ANXA5: variants seen among roughly 807,000 people sequenced by gnomAD.
ANXA5 encodes annexin A5.
ANXA5 carries 40 observed loss-of-function variants against 48.1 expected under a neutral mutation model. That is an observed-to-expected ratio of 0.83 (90% CI 0.65 to 1.08). The LOEUF (loss-of-function observed/expected upper bound fraction) is 1.08. ANXA5 is among the 50% of genes least tolerant of loss of function. ANXA5 has a pLI of 0.00. For missense variants in ANXA5, 357 were observed against 376.8 expected, an observed-to-expected ratio of 0.95 and a Z score of 0.44; for synonymous variants, 113 against 129.1, an observed-to-expected ratio of 0.88 and a Z score of 0.85.
At chr4:121,680,660 C>G (rs956722960) in intron 6 of ANXA5, among the ~76,000 whole-genome samples, 5 of 152,124 alleles carry the variant, frequency 3.3e-5, no homozygotes, top group Admixed American at 6.6e-5. Context: ...GTTATTACCC[C>G]CTTTGAGCAC....
At chr4:121,689,038 G>A (rs1468118975) in intron 2 of ANXA5, among the ~76,000 whole-genome samples, 1 of 152,116 alleles carries the variant, frequency 6.6e-6, no homozygotes, top group Non-Finnish European at 1.5e-5. Flanking sequence ...CCATTCATTC[G>A]ATACCTTAAT....
chr4:121,668,623 T>A (rs1233224887), intron 12 of ANXA5, 96 bp from the exon 13 acceptor site: 1 of 1,021,982 alleles, frequency 9.8e-7, no homozygotes, highest in East Asian at 2.4e-5. Flanking sequence ...TTCATAAGAC[T>A]CTTCTCCCAA....
rs1724585637 is a variant in ANXA5 at position 121,669,949 on chromosome 4, C to T, written c.780+5G>A. On this transcript the variant is annotated splice_donor_5th_base_variant and intron_variant, in intron 11 of 12. Transcript: ENST00000296511. ...TTAGATAGAAGGTTCATGGTCTCCACTTACCTTCATAGCATAATAGAGGGT... is the reference window on the plus strand; with the variant it reads ...TTAGATAGAAGGTTCATGGTCTCCATTTACCTTCATAGCATAATAGAGGGT... 1.3e-6 allele frequency: 2 copies of T among 1,587,198 alleles called. No individual in the cohort carries two copies. The highest frequency in any genetic ancestry group is 1.7e-4 in the Middle Eastern group (1 of 6,016).
chr4:121,669,728 T>TAAAAAAAAA lies in ANXA5; in HGVS notation c.781-13_781-5dup. The TAAAAAAAAA allele has an allele frequency of 6.7e-7, 1 of 1,502,924 alleles. No individual in the cohort carries two copies. The highest frequency in any genetic ancestry group is 1.5e-5 in the African/African-American group (1 of 66,902). 93.1% of individuals were successfully genotyped at this position (1,502,924 alleles called of 1,614,324 possible). A position where few individuals can be genotyped will look rare whatever the true frequency, so the allele number is the denominator to read the frequency against. Reference sequence around the variant, plus strand: ...TATGATCATCTGTCCCAGCTCCCTTTAAAAAAAAAAAAAAAGAGAGAAGCA... The same window carrying TAAAAAAAAA: ...TATGATCATCTGTCCCAGCTCCCTTTAAAAAAAAAAAAAAAAAAAAAAAAGAGAGAAGCA... On this transcript the variant is annotated splice_region_variant and splice_polypyrimidine_tract_variant and intron_variant, in intron 11 of 12. Coordinates refer to ENST00000296511, the MANE Select transcript of ANXA5 (RefSeq NM_001154.4).
At chr4:121,691,939 CCAAGAAGACTGAGGAGTA>C (rs1202616507) in intron 2 of ANXA5, among the ~76,000 whole-genome samples, 1 of 152,150 alleles carries the variant, frequency 6.6e-6, no homozygotes, top group Non-Finnish European at 1.5e-5. Context: ...ATTAGGACCT[CCAAGAAGACTGAGGAGTA>C]CAAACACATC....
intron 10 of ANXA5, 42 bp downstream of exon 10, chr4:121,671,505 G>C (rs1724611815): frequency 7.0e-7 from 1 of 1,430,720 alleles, no homozygotes; most frequent in Admixed American, 1.7e-5. Context: ...AAATGCTTTA[G>C]CTCTTACCAC....
At chr4:121,684,526 T>C in intron 4 of ANXA5, 151 bp downstream of exon 4, 1 of 635,936 alleles carries the variant, frequency 1.6e-6, no homozygotes, top group Non-Finnish European at 2.7e-6. Flanking sequence ...TAAGAGCTGA[T>C]AATTTAGAGG....
intron 6 of ANXA5, among the ~76,000 whole-genome samples, chr4:121,679,063 GA>G (rs1724747779): frequency 6.6e-6 from 1 of 152,138 alleles, no homozygotes; most frequent in Non-Finnish European, 1.5e-5. Context: ...GGATCTACAA[GA>G]GTCTACAAGT....
At chr4:121,689,367 C>T (rs1309541393) in intron 2 of ANXA5, among the ~76,000 whole-genome samples, 2 of 152,142 alleles carry the variant, frequency 1.3e-5, no homozygotes, top group African/African-American at 4.8e-5. Flanking sequence ...ATACTAACTA[C>T]TAGTTAAAAG....
intron 5 of ANXA5, among the ~76,000 whole-genome samples, chr4:121,682,106 A>AT: frequency 6.6e-6 from 1 of 152,270 alleles, no homozygotes; most frequent in Non-Finnish European, 1.5e-5. Context: ...ACATGAAGTA[A>AT]TTTTTTAAAA....
chr4:121,683,302 T>C, intron 5 of ANXA5, 62 bp downstream of exon 5: 1 of 964,042 alleles, frequency 1.0e-6, no homozygotes, highest in Non-Finnish European at 1.5e-6. Context: ...TAAGAGGAAG[T>C]AATTACCAAA....
rs1245082243 is a variant in ANXA5 at position 121,670,007 on chromosome 4, AT to A, written c.726del (p.Lys242AsnfsTer18). The A allele has an allele frequency of 1.6e-5, 25 of 1,598,400 alleles. No homozygotes were observed. The highest frequency in any genetic ancestry group is 2.1e-5 in the Non-Finnish European group (25 of 1,171,632). Reference protein sequence around the residue: ...NLEQLLLAVVKSIRSIPAYLA... With the variant: ...NLEQLLLAVVXSIRSIPAYLA... The stretch of plus-strand genomic sequence containing the variant: ...AGGTAGGCAGGTATACTTCGAATAG[AT>A]TTCACTAAGAAAATAAACAATACAA... On this transcript the variant is annotated frameshift_variant, in exon 11 of 13. Transcript: ENST00000296511. LOFTEE classifies it high-confidence loss of function.
intron 6 of ANXA5, 50 bp downstream of exon 6, chr4:121,681,620 GA>G (rs764661781): frequency 8.0e-7 from 1 of 1,254,856 alleles, no homozygotes; most frequent in East Asian, 2.3e-5. Flanking sequence ...TCACAGAAAT[GA>G]AGGAAGTGAT....
chr4:121,668,523 T>A lies in ANXA5; in HGVS notation c.908A>T (p.Asp303Val). The A allele has an allele frequency of 6.2e-7, 1 of 1,613,176 alleles. No individual in the cohort carries two copies. Among genetic ancestry groups the A allele is most frequent in the Non-Finnish European group, 8.5e-7 (1 of 1,179,410 alleles). Residue 303 changes from aspartate (D) to valine (V), a missense_variant, in exon 13 of 13, where the codon GAT becomes GTT. Coordinates refer to ENST00000296511, the MANE Select transcript of ANXA5 (RefSeq NM_001154.4). The stretch of plus-strand genomic sequence containing the variant: ...AGCTTTCTTATAGTCCCCAGATGTA[T>A]CTCCCTGAAACCAAATGTATTCCAT... ...ATSLYSMIKG[D>V]TSGDYKKALL...
intron 8 of ANXA5, among the ~76,000 whole-genome samples, chr4:121,676,774 T>G (rs1724705732): frequency 4.8e-5 from 7 of 146,636 alleles, no homozygotes; most frequent in South Asian, 4.4e-4. Context: ...TGAAGCGGGG[T>G]GGGAGGGGCA....
At chr4:121,685,037 T>TAC (rs1235385271) in intron 3 of ANXA5, among the ~76,000 whole-genome samples, 1 of 124,080 alleles carries the variant, frequency 8.1e-6, no homozygotes, top group Admixed American at 8.2e-5. Context: ...AAAATATGTA[T>TAC]ATATATATAT....
chr4:121,678,274 C>T (rs1724730472), intron 7 of ANXA5, 141 bp downstream of exon 7: 1 of 693,764 alleles, frequency 1.4e-6, no homozygotes, highest in South Asian at 1.9e-5. Flanking sequence ...GCACAGGCAA[C>T]ATACAGTCAG....
rs1724581555 is a variant in ANXA5 at position 121,669,743 on chromosome 4, A to AT, written c.781-20_781-19insA. 6.4e-7 allele frequency: 1 copy of AT among 1,572,768 alleles called. No homozygotes were observed. The highest frequency in any genetic ancestry group is 8.6e-7 in the Non-Finnish European group (1 of 1,167,348). ...CAGCTCCCTTTAAAAAAAAAAAAAA[A>AT]GAGAGAAGCAAAATGCTTAAAAACT... On this transcript the variant is annotated intron_variant, in intron 11 of 12. Transcript: ENST00000296511.
rs1322727791 is a variant in ANXA5, at chr4:121,667,950, T to C, written c.*518A>G. ...ATTATTAGCTTAAAAAGAGAGAACA[T>C]TGTTAAATAAATTTAATAATAAATC... On this transcript the variant is annotated 3_prime_UTR_variant, in exon 13 of 13. Transcript: ENST00000296511. 6 of 152,338 alleles carry C rather than the reference T, an allele frequency of 3.9e-5. No homozygotes were observed. The highest frequency in any genetic ancestry group is 3.4e-3 in the Middle Eastern group (1 of 294). The allele number at this position is 152,338 out of a possible 1,614,324, so 9.4% of individuals were successfully genotyped here.
Sources: allele counts gnomAD v4.1 joint callset (sites outside exome capture counted in the v4.1 genomes callset), GRCh38; gene constraint gnomAD v4.1.1; transcripts MANE v1.5; gene names NCBI Gene and HGNC (gene_info 2026-07-23, HGNC 2026-07-21).